MAP4K2: variants seen among roughly 807,000 people sequenced by gnomAD.
MAP4K2 encodes the protein B lymphocyte serine/threonine protein kinase.
Under a neutral mutation model 125.3 loss-of-function variants are expected in MAP4K2, and 85 were observed. The observed-to-expected ratio is 0.68, with a 90% CI of 0.57 to 0.81. The LOEUF is 0.81. Ranked by LOEUF, MAP4K2 falls within the 40% of genes least tolerant of loss-of-function variation. The probability of loss-of-function intolerance (pLI) is 0.00; values close to 1 mark genes in which losing one functional copy is unlikely to be tolerated. For missense variants in MAP4K2, 923 were observed against 1,056.4 expected (o/e 0.87, Z 1.75); for synonymous variants, 479 against 445.1 (o/e 1.08, Z -0.96).
intron 4 of MAP4K2, 135 bp downstream of exon 4, chr11:64,802,284 T>C (rs766522548): frequency 8.8e-6 from 10 of 1,131,084 alleles, no homozygotes; most frequent in Non-Finnish European, 1.2e-5. Context: ...ATGGACAGTA[T>C]TTCTCTCAAG....
chr11:64,797,243 CT>C, intron 18 of MAP4K2, 31 bp downstream of exon 18: 4 of 1,601,528 alleles, frequency 2.5e-6, no homozygotes, highest in Non-Finnish European at 3.4e-6. Flanking sequence ...CACCCTGGGG[CT>C]GCCTCCTGGC....
chr11:64,786,407 C>G lies in MAP4K2; in HGVS notation c.*3130G>C, dbSNP rs1451341561. 1 of 152,178 alleles carries G rather than the reference C, an allele frequency of 6.6e-6. No individual in the cohort carries two copies. Among genetic ancestry groups the G allele is most frequent in the African/African-American group, 2.4e-5 (1 of 41,448 alleles). 9.4% of individuals were successfully genotyped at this position (152,178 alleles called of 1,614,324 possible). On this transcript the variant is annotated 3_prime_UTR_variant, in exon 32 of 32. Transcript: ENST00000294066. ...CTCTTCACCACATCTTGTCCATTCC[C>G]TTACTCGTGAGGGTCTCCTGAGCAC...
chr11:64,790,688 G>A (rs1940425539), intron 27 of MAP4K2, among the ~76,000 whole-genome samples: 1 of 152,168 alleles, frequency 6.6e-6, no homozygotes, highest in Admixed American at 6.5e-5. Flanking sequence ...AGGAGTCACG[G>A]GGAGCCACGG....
chr11:64,789,566 T>C lies in MAP4K2; in HGVS notation c.2434A>G (p.Ile812Val), dbSNP rs767710290. Reference protein sequence around the residue: ...DNPEAHSNLYILTGHQSTY With the variant: ...DNPEAHSNLYVLTGHQSTY ...TAGGTGCTCTGGTGGCCCGTGAGGA[T>C]GTAGAGGTTGCTGTGCGCCTCTGGG... The change falls in exon 32 of 32, where the codon ATC becomes GTC. Residue 812 changes from isoleucine (I) to valine (V), a missense_variant. Ile to Val is a conservative substitution (Grantham distance 29). Around this residue, in one of 2 missense-constraint regions of MAP4K2, gnomAD observed 90 missense variants for 144.9 expected, o/e 0.62. Coordinates refer to ENST00000294066, the MANE Select transcript of MAP4K2 (RefSeq NM_004579.5). The C allele has an allele frequency of 5.6e-6, 9 of 1,598,060 alleles. No homozygotes were observed. In the East Asian group the frequency reaches 2.0e-4, roughly 36 times the overall value.
At position 64,799,654 on chromosome 11, in the gene MAP4K2, G is replaced by C. The variant is rs138163806; in HGVS notation, c.945C>G (p.His315Gln). The change falls in exon 13 of 32, where the codon CAC becomes CAG. Residue 315 changes from histidine to glutamine, a missense_variant. His to Gln is a conservative substitution (Grantham distance 24, BLOSUM62 0). This residue lies in a region of MAP4K2 where 833 missense variants were observed against 911.4 expected (regional missense o/e 0.91). Coordinates refer to ENST00000294066, the MANE Select transcript of MAP4K2 (RefSeq NM_004579.5). ...ETYDMFPDTI[H>Q]SRGQHGPAER... ...CGGCTGGGCCGTGCTGCCCCCGGGA[G>C]TGAATGGTGTCTGGAAACATGTCAT... is the stretch of plus-strand genomic sequence containing the variant. The C allele has an allele frequency of 1.6e-5, 26 of 1,613,980 alleles. No homozygotes were observed. In the African/African-American group the frequency reaches 2.5e-4, roughly 16 times the overall value.
At chr11:64,797,442 T>C in intron 17 of MAP4K2, 59 bp downstream of exon 17, 1 of 1,557,180 alleles carries the variant, frequency 6.4e-7, no homozygotes, top group Non-Finnish European at 8.7e-7. Flanking sequence ...CACATCCCAC[T>C]CCAATCGTAC....
intron 1 of MAP4K2, 49 bp from the exon 2 acceptor site, chr11:64,802,991 G>A: frequency 6.4e-7 from 1 of 1,565,460 alleles, no homozygotes; most frequent in Non-Finnish European, 8.6e-7. Context: ...CCGGGGGCTA[G>A]ATCCTGCCGC....
rs548584643 is a variant in MAP4K2, at chr11:64,791,353, C to T, written c.2092+556G>A. ...CCAGATCTGCCTCTTCCCTGCAGCC[C>T]GGAGCAATGTTGACCAGTTTTTGTT... On this transcript the variant is annotated intron_variant, in intron 27 of 31. Transcript: ENST00000294066. 3.9e-5 allele frequency among the ~76,000 whole-genome samples: 6 copies of T among 152,302 alleles called. No homozygotes were observed. In the East Asian group the frequency reaches 9.7e-4, roughly 25 times the overall value.
chr11:64,799,135 G>C (rs919124327), intron 14 of MAP4K2, among the ~76,000 whole-genome samples: 15 of 152,320 alleles, frequency 9.8e-5, no homozygotes, highest in African/African-American at 3.6e-4. Flanking sequence ...GTGGGAAAAC[G>C]AGGCTGAGCA....
rs569904239 is a variant in MAP4K2, at chr11:64,787,376, A to C, written c.*2161T>G. ...GCAAGGTCAGTACAGTATGTGGAAT[A>C]TGTTAATACGTATATAAAAAATCGC... On this transcript the variant is annotated 3_prime_UTR_variant, in exon 32 of 32. Coordinates refer to ENST00000294066, the MANE Select transcript of MAP4K2 (RefSeq NM_004579.5). 6.6e-6 allele frequency: 1 copy of C among 152,132 alleles called. No individual in the cohort carries two copies. The highest frequency in any genetic ancestry group is 6.6e-5 in the Admixed American group (1 of 15,266). The allele number at this position is 152,132 out of a possible 1,614,324, so 9.4% of individuals were successfully genotyped here. A position where few individuals can be genotyped will look rare whatever the true frequency, so the allele number is the denominator to read the frequency against.
chr11:64,789,665 G>C, intron 31 of MAP4K2, 41 bp from the exon 32 acceptor site: 1 of 1,612,426 alleles, frequency 6.2e-7, no homozygotes, highest in East Asian at 2.2e-5. Flanking sequence ...GGAGACACTT[G>C]GTACATCAGC....
intron 13 of MAP4K2, 28 bp downstream of exon 13, chr11:64,799,575 GCA>G (rs3832792): frequency 0.34 from 550,353 of 1,612,456 alleles, 97,903 homozygotes; most frequent in South Asian, 0.48. Flanking sequence ...CCCAAAATCT[GCA>G]CACACACAGC....
At chr11:64,799,884 G>A (rs1941056363) in intron 12 of MAP4K2, among the ~76,000 whole-genome samples, 1 of 152,184 alleles carries the variant, frequency 6.6e-6, no homozygotes, top group Non-Finnish European at 1.5e-5. Context: ...CAAGAAAATG[G>A]CACAGTCGTG....
chr11:64,799,444 C>G lies in MAP4K2; in HGVS notation c.1030G>C (p.Glu344Gln). ...ACCGGCTCATTCAGTGGGTCAGTTT[C>G]CTTCCTGCGTGGGGCGCCAAATTTC... ...QVKFGAPRRK[E>Q]TDPLNEPWEE... Residue 344 changes from glutamate to glutamine, a missense_variant, in exon 14 of 32, where the codon GAA becomes CAA. By Grantham distance (29) the Glu-to-Gln change is conservative (BLOSUM62 2). Around this residue, in one of 2 missense-constraint regions of MAP4K2, gnomAD observed 833 missense variants for 911.4 expected, o/e 0.91. Transcript: ENST00000294066. The G allele has an allele frequency of 6.2e-7, 1 of 1,612,558 alleles. No individual in the cohort carries two copies. The highest frequency in any genetic ancestry group is 8.5e-7 in the Non-Finnish European group (1 of 1,179,548).
Position 64,785,178 on chromosome 11 carries a change from T to A in MAP4K2, c.*4359A>T, listed in dbSNP as rs1010012905. The A allele has an allele frequency of 6.6e-6, 1 of 152,194 alleles. No homozygotes were observed. Among genetic ancestry groups the A allele is most frequent in the African/African-American group, 2.4e-5 (1 of 41,434 alleles). 9.4% of individuals were successfully genotyped at this position (152,194 alleles called of 1,614,324 possible). A position where few individuals can be genotyped will look rare whatever the true frequency, so the allele number is the denominator to read the frequency against. ...ATTCTAGAAAGTGCAGATTAACCTG[T>A]AGTGACAGAAAGCAGCACAGTTGTT... On this transcript the variant is annotated 3_prime_UTR_variant, in exon 32 of 32. Transcript: ENST00000294066.
Position 64,798,835 on chromosome 11 carries a change from C to T in MAP4K2, c.1056G>A (p.Trp352Ter). 1.2e-6 allele frequency: 2 copies of T among 1,602,240 alleles called. No homozygotes were observed. Among genetic ancestry groups the T allele is most frequent in the African/African-American group, 2.7e-5 (2 of 74,542 alleles). Residue 352 changes from tryptophan to a stop codon, truncating the protein, a stop_gained and splice_region_variant, in exon 15 of 32, where the codon TGG (tryptophan) becomes TGA (stop). Transcript: ENST00000294066. LOFTEE classifies it high-confidence loss of function. ...RKETDPLNEP[W>*]EEEWTLLGKE... Reference sequence around the variant, plus strand: ...TTCCCAGTAGTGTCCACTCTTCCTCCCACTGGGGGAAACCAAGGTAGAGAC... The same window carrying T: ...TTCCCAGTAGTGTCCACTCTTCCTCTCACTGGGGGAAACCAAGGTAGAGAC...
chr11:64,802,782 C>A (rs1222907277), intron 2 of MAP4K2, 103 bp downstream of exon 2: 17 of 1,472,270 alleles, frequency 1.2e-5, no homozygotes, highest in South Asian at 2.4e-5. Context: ...CCTCCCGGGG[C>A]ACGCCTCTCA....
rs1357246383 is a variant in MAP4K2 at position 64,789,633 on chromosome 11, G to C, written c.2376-9C>G. The C allele has an allele frequency of 2.5e-6, 4 of 1,610,966 alleles. No individual in the cohort carries two copies. Among genetic ancestry groups the C allele is most frequent in the Non-Finnish European group, 3.4e-6 (4 of 1,178,556 alleles). On this transcript the variant is annotated splice_polypyrimidine_tract_variant and intron_variant, in intron 31 of 31. Transcript: ENST00000294066. ...TCTCCAGGATGATGTCTCTGGAGGA[G>C]AGAGGAGTAGGGGGCAGGGCGGGAG...
chr11:64,791,925 G>A lies in MAP4K2; in HGVS notation c.2076C>T (p.Asp692=), dbSNP rs761982499. 6 of 1,595,604 alleles carry A rather than the reference G, an allele frequency of 3.8e-6. No homozygotes were observed. Among genetic ancestry groups the A allele is most frequent in the Non-Finnish European group, 5.1e-6 (6 of 1,170,004 alleles). ...TCTGCTCACCAGGTGGGATGAGGATGTCGGGCGTCAGGCCAGCCTCCAGGG... is the reference window on the plus strand; with the variant it reads ...TCTGCTCACCAGGTGGGATGAGGATATCGGGCGTCAGGCCAGCCTCCAGGG... ...VLPLEAGLTP[D]ILIPPEGIPG... Residue 692 remains aspartate (D), a synonymous_variant, in exon 27 of 32, where the codon GAC becomes GAT. Coordinates refer to ENST00000294066, the MANE Select transcript of MAP4K2 (RefSeq NM_004579.5).
Sources: allele counts gnomAD v4.1 joint callset (sites outside exome capture counted in the v4.1 genomes callset), GRCh38; gene constraint gnomAD v4.1.1; regional missense constraint gnomAD v4.1.1; transcripts MANE v1.5; gene names NCBI Gene and HGNC (gene_info 2026-07-23, HGNC 2026-07-21).